KLK1: variants seen among roughly 807,000 people sequenced by gnomAD.
KLK1 encodes the protein kallikrein-1.
In KLK1, 22 loss-of-function variants were observed where a neutral mutation model predicts 23.3. The ratio of observed to expected loss-of-function variants is 0.95; its 90% CI spans 0.68 to 1.35. The LOEUF is 1.35. Ranked by LOEUF, KLK1 falls within the 40% of genes most tolerant of loss-of-function variation. KLK1 has a pLI of 0.00. For missense variants in KLK1, 301 were observed against 338.9 expected (o/e 0.89, Z 0.88); for synonymous variants, 140 against 135.8 (o/e 1.03, Z -0.21).
In KLK1 at chr19:50,821,417, GAGAC is replaced by G. The variant is rs765774031; in HGVS notation, c.206+291_206+294del. ...GACAGAGATGCCGCAGAGAGACTCA[GAGAC>G]AGACAGAGACAGGGGAGATGCAGAG... On this transcript the variant is annotated intron_variant, in intron 2 of 4. Coordinates refer to ENST00000301420, the MANE Select transcript of KLK1 (RefSeq NM_002257.4). This position sits in a 1 kb window ranked among gnomAD's most constrained non-coding sequence, Gnocchi z 5.6. Among the ~76,000 whole-genome samples, 2 of 152,170 alleles carry G rather than the reference GAGAC, an allele frequency of 1.3e-5. No individual in the cohort carries two copies. The highest frequency in any genetic ancestry group is 2.1e-4 in the South Asian group (1 of 4,834).
chr19:50,822,650 G>A, intron 1 of KLK1: 1 of 974,236 alleles, frequency 1.0e-6, no homozygotes, highest in Non-Finnish European at 1.2e-6. Context: ...ACGGGGCTCA[G>A]GAGGAGGGAG....
intron 1 of KLK1, chr19:50,822,564 G>T (rs1439219397): frequency 2.0e-6 from 2 of 985,386 alleles, no homozygotes; most frequent in Non-Finnish European, 2.4e-6. Context: ...AGGTTTTGGG[G>T]TCCTTCCTGT....
intron 1 of KLK1, chr19:50,822,285 C>G (rs2089833167): frequency 1.0e-6 from 1 of 996,252 alleles, no homozygotes. Context: ...CAGAGGCTCA[C>G]TGAGGAAGAA....
chr19:50,821,260 G>C lies in KLK1; in HGVS notation c.206+452C>G, dbSNP rs949866838. 3.9e-5 allele frequency among the ~76,000 whole-genome samples: 6 copies of C among 152,182 alleles called. No homozygotes were observed. The highest frequency in any genetic ancestry group is 8.8e-5 in the Non-Finnish European group (6 of 68,024). The stretch of plus-strand genomic sequence containing the variant: ...CCCCCTCCCAGGCACACAAGTTGGG[G>C]ATAAAGCCCTTCCTTTACTCTGGGG... On this transcript the variant is annotated intron_variant, in intron 2 of 4. Coordinates refer to ENST00000301420, the MANE Select transcript of KLK1 (RefSeq NM_002257.4). This position sits in a 1 kb window ranked among gnomAD's most constrained non-coding sequence, Gnocchi z 5.6.
At chr19:50,819,517 G>A (rs2089808472) in intron 4 of KLK1, among the ~76,000 whole-genome samples, 168 bp from the exon 5 acceptor site, 1 of 152,182 alleles carries the variant, frequency 6.6e-6, no homozygotes, top group Non-Finnish European at 1.5e-5. Flanking sequence ...AGGGGGAAGG[G>A]ACCTCAGGGT....
At position 50,820,451 on chromosome 19, in the gene KLK1, A is replaced by G; in HGVS notation, c.207-8T>C. The stretch of plus-strand genomic sequence containing the variant: ...AGCCAGAGCTGGTAATTGCTGGGGA[A>G]AGATGGGAATGGAGGGATGAGAAGA... On this transcript the variant is annotated splice_region_variant and splice_polypyrimidine_tract_variant and intron_variant, in intron 2 of 4. Coordinates refer to ENST00000301420, the MANE Select transcript of KLK1 (RefSeq NM_002257.4). The G allele has an allele frequency of 6.8e-7, 1 of 1,462,742 alleles. No individual in the cohort carries two copies. The highest frequency in any genetic ancestry group is 1.1e-5 in the South Asian group (1 of 87,052). 90.6% of individuals were successfully genotyped at this position (1,462,742 alleles called of 1,614,324 possible).
At chr19:50,823,475 G>T (rs934266283) in intron 1 of KLK1, among the ~76,000 whole-genome samples, 3 of 152,108 alleles carry the variant, frequency 2.0e-5, no homozygotes, top group African/African-American at 7.2e-5. Context: ...GGAGGAGCAG[G>T]AATCTGGTGT....
At position 50,819,205 on chromosome 19, in the gene KLK1, C is replaced by T. The variant is rs752127400; in HGVS notation, c.778G>A (p.Glu260Lys). 6.2e-7 allele frequency: 1 copy of T among 1,613,008 alleles called. No homozygotes were observed. Among genetic ancestry groups the T allele is most frequent in the Non-Finnish European group, 8.5e-7 (1 of 1,179,328 alleles). Residue 260 changes from glutamate (E) to lysine (K), a missense_variant, in exon 5 of 5, where the codon GAG becomes AAG. Transcript: ENST00000301420. ...ACAGGGCTGGGCGTTCAGGAGTTCT[C>T]CGCTATGGTGTCCTCGATCCACTTC... ...YVKWIEDTIA[E>K]NS
chr19:50,820,415 T>G lies in KLK1; in HGVS notation c.235A>C (p.Asn79His). The G allele has an allele frequency of 1.9e-6, 3 of 1,603,416 alleles. No individual in the cohort carries two copies. Among genetic ancestry groups the G allele is most frequent in the Non-Finnish European group, 2.6e-6 (3 of 1,176,380 alleles). Residue 79 changes from asparagine to histidine, a missense_variant, in exon 3 of 5, where the codon AAC becomes CAC. Transcript: ENST00000301420. ...DNYQLWLGRH[N>H]LFDDENTAQF... is the part of the protein sequence containing the mutation. ...GCTGTGTTTTCGTCGTCAAACAAGT[T>G]GTGGCGACCCAGCCAGAGCTGGTAA...
chr19:50,822,100 G>A, intron 1 of KLK1: 1 of 1,317,928 alleles, frequency 7.6e-7, no homozygotes, highest in South Asian at 2.1e-5. Context: ...TGCTCTGACA[G>A]TAGAGCAGCC....
chr19:50,820,606 C>A, intron 2 of KLK1, 163 bp from the exon 3 acceptor site: 6 of 553,132 alleles, frequency 1.1e-5, no homozygotes, highest in African/African-American at 1.9e-5. Flanking sequence ...ATACAGACAG[C>A]GAATGGGAAG....
chr19:50,820,665 A>C, intron 2 of KLK1: 1 of 456,540 alleles, frequency 2.2e-6, no homozygotes, highest in Non-Finnish European at 3.9e-6. Flanking sequence ...CAGAGCAAAA[A>C]AGAGCTCAAA....
chr19:50,822,551 G>C, intron 1 of KLK1: 1 of 985,398 alleles, frequency 1.0e-6, no homozygotes, highest in Non-Finnish European at 1.2e-6. Flanking sequence ...GTGGGCTTCC[G>C]AGAGGTTTTG....
In KLK1 at chr19:50,821,041, G is replaced by C. The variant is rs1049332874; in HGVS notation, c.207-598C>G. Among the ~76,000 whole-genome samples, 2 of 152,136 alleles carry C rather than the reference G, an allele frequency of 1.3e-5. No individual in the cohort carries two copies. Among genetic ancestry groups the C allele is most frequent in the South Asian group, 2.1e-4 (1 of 4,832 alleles). ...CTGTGGTGCGGGCTCCCCAGGGGCA[G>C]GTGGCCTGGCCTGAAGTCCAAGGTC... On this transcript the variant is annotated intron_variant, in intron 2 of 4. Transcript: ENST00000301420. The surrounding 1 kb of genome is among the most constrained non-coding windows in gnomAD (Gnocchi z 5.6).
chr19:50,820,096 C>T, intron 3 of KLK1, 58 bp downstream of exon 3: 1 of 1,608,022 alleles, frequency 6.2e-7, no homozygotes, highest in Non-Finnish European at 8.5e-7. Context: ...GGCCCTTTCT[C>T]CCTTGGACGC....
intron 2 of KLK1, chr19:50,820,685 G>A (rs1312821516): frequency 3.2e-5 from 13 of 400,128 alleles, no homozygotes; most frequent in Non-Finnish European, 5.4e-5. Context: ...AAGGACAGAG[G>A]GGTGAAAAAG....
In KLK1 at chr19:50,821,958, T is replaced by C. The variant is rs1479986990; in HGVS notation, c.47-87A>G. On this transcript the variant is annotated intron_variant, in intron 1 of 4. Coordinates refer to ENST00000301420, the MANE Select transcript of KLK1 (RefSeq NM_002257.4). The surrounding 1 kb of genome is among the most constrained non-coding windows in gnomAD (Gnocchi z 5.6). ...AGGAGAGGGAGCTGGGCTGTGGGTC[T>C]GAAGGGACATTGCGGGTAGAGGACC... 1.3e-6 allele frequency: 2 copies of C among 1,506,432 alleles called. No homozygotes were observed. The highest frequency in any genetic ancestry group is 2.8e-5 in the African/African-American group (2 of 71,756). The allele number at this position is 1,506,432 out of a possible 1,614,324, so 93.3% of individuals were successfully genotyped here.
Position 50,821,635 on chromosome 19 carries a change from C to T in KLK1, c.206+77G>A, listed in dbSNP as rs1224739442. 16 of 1,470,522 alleles carry T rather than the reference C, an allele frequency of 1.1e-5. No individual in the cohort carries two copies. The highest frequency in any genetic ancestry group is 1.4e-5 in the Non-Finnish European group (15 of 1,107,352). 91.1% of individuals were successfully genotyped at this position (1,470,522 alleles called of 1,614,324 possible). A position where few individuals can be genotyped will look rare whatever the true frequency, so the allele number is the denominator to read the frequency against. On this transcript the variant is annotated intron_variant, in intron 2 of 4. Coordinates refer to ENST00000301420, the MANE Select transcript of KLK1 (RefSeq NM_002257.4). This position sits in a 1 kb window ranked among gnomAD's most constrained non-coding sequence, Gnocchi z 5.6. ...GCCCCCCAGTCTTGCCTGAGGTTATCCAAGGGGAATGCCACTGGCCTGTCA... is the reference window on the plus strand; with the variant it reads ...GCCCCCCAGTCTTGCCTGAGGTTATTCAAGGGGAATGCCACTGGCCTGTCA...
chr19:50,823,106 A>G (rs901094665), intron 1 of KLK1, among the ~76,000 whole-genome samples: 5 of 151,976 alleles, frequency 3.3e-5, no homozygotes, highest in South Asian at 2.1e-4. Context: ...CCCCCCCCAT[A>G]CCAGATGGGG....
Sources: allele counts gnomAD v4.1 joint callset (sites outside exome capture counted in the v4.1 genomes callset), GRCh38; gene constraint gnomAD v4.1.1; non-coding constraint Gnocchi (gnomAD v3.1); transcripts MANE v1.5; gene names NCBI Gene and HGNC (gene_info 2026-07-23, HGNC 2026-07-21).